SCNN1B: variants seen among roughly 807,000 people sequenced by gnomAD.
SCNN1B encodes the protein epithelial sodium channel subunit beta.
A neutral mutation model predicts 65.3 loss-of-function variants in SCNN1B; 46 were observed. The observed-to-expected ratio is 0.70, with a 90% confidence interval of 0.56 to 0.90. The LOEUF (loss-of-function observed/expected upper bound fraction) is 0.90. Ranked by LOEUF, SCNN1B falls within the 40% of genes least tolerant of loss-of-function variation. SCNN1B has a pLI of 0.00. For synonymous variants in SCNN1B, 349 were observed against 330.6 expected, an observed-to-expected ratio of 1.06 and a Z score of -0.60; for missense variants, 751 against 830.5, an observed-to-expected ratio of 0.90 and a Z score of 1.18.
Position 23,286,970 on chromosome 16 carries a change from A to T in SCNN1B, n.178+3166A>T, listed in dbSNP as rs555659892. 4.0e-3 allele frequency among the ~76,000 whole-genome samples: 598 copies of T among 149,322 alleles called. 4 individuals are homozygous for T. The highest frequency in any genetic ancestry group is 0.014 in the African/African-American group (573 of 40,592). The stretch of plus-strand genomic sequence containing the variant: ...TAGTTTTTTGTTGTTGTTGTTGTTG[A>T]TGTTGTTGTTGTTGCTGTTGTTGTT... On this transcript the variant is annotated intron_variant and non_coding_transcript_variant, in intron 2 of 3. Transcript: ENST00000569789.
intron 1 of SCNN1B, among the ~76,000 whole-genome samples, chr16:23,338,719 A>C (rs1336640165): frequency 6.6e-6 from 1 of 152,238 alleles, no homozygotes; most frequent in Non-Finnish European, 1.5e-5. Context: ...CAAGGAGAGC[A>C]GCTGCTAGTC....
intron 1 of SCNN1B, among the ~76,000 whole-genome samples, chr16:23,307,673 A>G (rs1407033186): frequency 2.0e-5 from 3 of 152,082 alleles, no homozygotes; most frequent in Non-Finnish European, 4.4e-5. Flanking sequence ...CTAGTCTTAG[A>G]TGGGGGAACC....
At chr16:23,322,415 C>T (rs916377145) in intron 1 of SCNN1B, among the ~76,000 whole-genome samples, 9 of 152,182 alleles carry the variant, frequency 5.9e-5, no homozygotes, top group African/African-American at 2.2e-4. Flanking sequence ...ATCCTTCCAC[C>T]TCAGCTCCCG....
intron 1 of SCNN1B, among the ~76,000 whole-genome samples, chr16:23,332,067 T>C (rs1041518403): frequency 6.6e-6 from 1 of 152,160 alleles, no homozygotes; most frequent in Non-Finnish European, 1.5e-5. Context: ...CCTGCTCTAT[T>C]GCCCAGGCTA....
In SCNN1B at chr16:23,348,759, C is replaced by T; in HGVS notation, c.160C>T (p.Leu54=). 2 of 1,614,210 alleles carry T rather than the reference C, an allele frequency of 1.2e-6. No individual in the cohort carries two copies. The highest frequency in any genetic ancestry group is 1.7e-6 in the Non-Finnish European group (2 of 1,180,036). Residue 54 remains leucine (L), a synonymous_variant, in exon 2 of 13, where the codon CTG becomes TTG. Transcript: ENST00000343070. The surrounding 1 kb of genome is among the most constrained non-coding windows in gnomAD (Gnocchi z 4.5). ...GCCCAAGAAGAAAGCCATGTGGTTC[C>T]TGCTCACCCTGCTCTTCGCCGCCCT... ...EGPKKKAMWF[L]LTLLFAALVC...
chr16:23,299,064 T>C (rs1961037216), upstream of SCNN1B, among the ~76,000 whole-genome samples: 1 of 149,800 alleles, frequency 6.7e-6, no homozygotes. Flanking sequence ...TTTTTCTTTT[T>C]TTTTTTTTTT....
rs1355200672 is a variant in SCNN1B at position 23,377,361 on chromosome 16, C to T, written c.1379C>T (p.Ala460Val). ...DTQYKMTISMADWPSEASEDW... is the reference protein window; with the variant it reads ...DTQYKMTISMVDWPSEASEDW... ...CAGTACAAGATGACCATCTCCATGG[C>T]TGACTGGCCTTCTGAGGCCTCCGAG... Residue 460 changes from alanine to valine, a missense_variant, in exon 10 of 13, where the codon GCT (alanine) becomes GTT (valine). Transcript: ENST00000343070. 1.9e-6 allele frequency: 3 copies of T among 1,614,108 alleles called. No individual in the cohort carries two copies. The highest frequency in any genetic ancestry group is 2.5e-6 in the Non-Finnish European group (3 of 1,180,040).
chr16:23,280,190 G>A (rs777124966), intron 1 of SCNN1B, among the ~76,000 whole-genome samples: 1 of 152,024 alleles, frequency 6.6e-6, no homozygotes, highest in Non-Finnish European at 1.5e-5. Context: ...CATGAAGCTT[G>A]AGAGGGAAGT....
intron 2 of SCNN1B, among the ~76,000 whole-genome samples, chr16:23,289,768 G>A (rs780612748): frequency 7.4e-5 from 11 of 148,154 alleles, no homozygotes; most frequent in Non-Finnish European, 1.0e-4. Flanking sequence ...CTCTGCCTCT[G>A]GGATTCAAGC....
intron 7 of SCNN1B, among the ~76,000 whole-genome samples, chr16:23,374,235 C>T (rs1473966127): frequency 7.3e-6 from 1 of 136,468 alleles, no homozygotes. Context: ...CACTGCACCC[C>T]AGCCTGGGCA....
chr16:23,339,816 C>A (rs1962018238), intron 1 of SCNN1B, among the ~76,000 whole-genome samples: 1 of 152,094 alleles, frequency 6.6e-6, no homozygotes, highest in African/African-American at 2.4e-5. Context: ...ATCCACCCAC[C>A]TTGACCTCCC....
chr16:23,293,316 T>A (rs1257012181), intron 2 of SCNN1B, among the ~76,000 whole-genome samples: 1 of 152,022 alleles, frequency 6.6e-6, no homozygotes, highest in African/African-American at 2.4e-5. Flanking sequence ...CTACACACAA[T>A]GGAATATTAT....
rs747716746 is a variant in SCNN1B, at chr16:23,348,624, A to G, written c.25A>G (p.Lys9Glu). Residue 9 changes from lysine (K) to glutamate (E), a missense_variant, in exon 2 of 13, where the codon AAG (lysine) becomes GAG (glutamate). Coordinates refer to ENST00000343070, the MANE Select transcript of SCNN1B (RefSeq NM_000336.3). This position sits in a 1 kb window ranked among gnomAD's most constrained non-coding sequence, Gnocchi z 4.5. MHVKKYLL[K>E]GLHRLQKGPG... ...TATGCACGTGAAGAAGTACCTGCTG[A>G]AGGGCCTGCATCGGCTGCAGAAGGG... 1 of 1,613,234 alleles carries G rather than the reference A, an allele frequency of 6.2e-7. No homozygotes were observed. Among genetic ancestry groups the G allele is most frequent in the South Asian group, 1.1e-5 (1 of 91,044 alleles).
intron 1 of SCNN1B, among the ~76,000 whole-genome samples, chr16:23,307,253 G>C (rs1961238632): frequency 6.6e-6 from 1 of 150,460 alleles, no homozygotes; most frequent in Non-Finnish European, 1.5e-5. Context: ...CTAGCACACA[G>C]CAACTGCTGC....
At chr16:23,379,355 C>T (rs1962987504) in intron 11 of SCNN1B, among the ~76,000 whole-genome samples, 1 of 152,112 alleles carries the variant, frequency 6.6e-6, no homozygotes, top group Non-Finnish European at 1.5e-5. Flanking sequence ...AAAAAGGGCT[C>T]AAGGAGAGGA....
At chr16:23,308,900 G>A (rs1405042767) in intron 1 of SCNN1B, among the ~76,000 whole-genome samples, 1 of 152,172 alleles carries the variant, frequency 6.6e-6, no homozygotes, top group Non-Finnish European at 1.5e-5. Context: ...ACCATGCCTG[G>A]CCACGATCTG....
At chr16:23,305,581 A>ATATATATATATATATATATATATAAATAT (rs1961198824) in intron 1 of SCNN1B, among the ~76,000 whole-genome samples, 1 of 33,422 alleles carries the variant, frequency 3.0e-5, no homozygotes, top group South Asian at 1.3e-3. Context: ...TATATATTAT[A>ATATATATATATATATATATATATAAATAT]TATATATATA....
intron 5 of SCNN1B, among the ~76,000 whole-genome samples, chr16:23,370,528 G>A (rs1962761023): frequency 6.6e-6 from 1 of 152,190 alleles, no homozygotes; most frequent in Non-Finnish European, 1.5e-5. Flanking sequence ...TGGTGCGTGG[G>A]AGACTGGGTC....
At chr16:23,347,418 T>C (rs1489109983) in intron 1 of SCNN1B, among the ~76,000 whole-genome samples, 1 of 152,208 alleles carries the variant, frequency 6.6e-6, no homozygotes, top group Non-Finnish European at 1.5e-5. Flanking sequence ...ACATTGTTGA[T>C]ATGTTCTTGG....
Sources: allele counts gnomAD v4.1 joint callset (sites outside exome capture counted in the v4.1 genomes callset), GRCh38; gene constraint gnomAD v4.1.1; non-coding constraint Gnocchi (gnomAD v3.1); transcripts MANE v1.5; gene names NCBI Gene and HGNC (gene_info 2026-07-23, HGNC 2026-07-21).